Variants in MRTFA observed in about 807,000 individuals in gnomAD.
MRTFA encodes myocardin-related transcription factor A.
A neutral mutation model predicts 83.5 loss-of-function variants in MRTFA; 20 were observed. That is an observed-to-expected ratio of 0.24 (90% CI 0.17 to 0.35). The LOEUF is 0.35. MRTFA is among the 10% of genes least tolerant of loss of function. The pLI is 1.00. For synonymous variants in MRTFA, 659 were observed against 541.2 expected, an observed-to-expected ratio of 1.22 and a Z score of -3.02; for missense variants, 1,200 against 1,224.7, an observed-to-expected ratio of 0.98 and a Z score of 0.30.
Position 40,465,353 on chromosome 22 carries a change from C to A in MRTFA, c.242-2067G>T, listed in dbSNP as rs557239960. On this transcript the variant is annotated intron_variant, in intron 3 of 14. Transcript: ENST00000355630. ...TGAACTGGATCTCAAAAGGATGTTACAAACAGTCTGAGAAACTGAACCAAG... is the reference window on the plus strand; with the variant it reads ...TGAACTGGATCTCAAAAGGATGTTAAAAACAGTCTGAGAAACTGAACCAAG... 2.6e-5 allele frequency among the ~76,000 whole-genome samples: 4 copies of A among 152,190 alleles called. No individual in the cohort carries two copies. The East Asian group carries it at 5.8e-4, about 22-fold the overall frequency.
intron 3 of MRTFA, among the ~76,000 whole-genome samples, chr22:40,502,262 G>C (rs1179987863): frequency 8.6e-5 from 12 of 139,454 alleles, no homozygotes; most frequent in African/African-American, 3.0e-4. Flanking sequence ...TCACTTCTCA[G>C]ACGGGGCGGC....
At chr22:40,587,686 G>A (rs912020811) in intron 2 of MRTFA, 1 of 325,442 alleles carries the variant, frequency 3.1e-6, no homozygotes, top group Non-Finnish European at 6.1e-6. Flanking sequence ...GCCAGGTTTT[G>A]GTTGGTGCAA....
chr22:40,548,884 A>G (rs2055406445), intron 3 of MRTFA, among the ~76,000 whole-genome samples: 1 of 150,960 alleles, frequency 6.6e-6, no homozygotes, highest in South Asian at 2.1e-4. Context: ...TATACCACTT[A>G]CATCTACAAA....
At chr22:40,462,160 C>A (rs1253994314) in intron 4 of MRTFA, among the ~76,000 whole-genome samples, 2 of 152,216 alleles carry the variant, frequency 1.3e-5, no homozygotes, top group Non-Finnish European at 2.9e-5. Flanking sequence ...AGTTAATTTA[C>A]TTGATAGTAC....
chr22:40,411,712 G>A lies in MRTFA; in HGVS notation c.2774C>T (p.Pro925Leu), dbSNP rs1331489799. 13 of 1,579,928 alleles carry A rather than the reference G, an allele frequency of 8.2e-6. No individual in the cohort carries two copies. The highest frequency in any genetic ancestry group is 4.0e-5 in the African/African-American group (3 of 74,528). The change falls in exon 15 of 15, where the codon CCC (proline) becomes CTC (leucine). Residue 925 changes from proline to leucine, a missense_variant. Around this residue, in one of 2 missense-constraint regions of MRTFA, gnomAD observed 1,107 missense variants for 1,041.8 expected, o/e 1.06. Transcript: ENST00000355630. ...CCCGTCATGCCCACTGGTCAGCAGG[G>A]GCAGCCCCGTGCTGCTCTCCAGGAA...
At chr22:40,475,501 C>A (rs527624578) in intron 3 of MRTFA, among the ~76,000 whole-genome samples, 37 of 152,026 alleles carry the variant, frequency 2.4e-4, no homozygotes, top group Middle Eastern at 6.8e-3. Flanking sequence ...TGTGCCCCTG[C>A]ACTCCAGCCT....
intron 2 of MRTFA, among the ~76,000 whole-genome samples, chr22:40,580,813 A>G (rs1207578091): frequency 1.3e-5 from 2 of 152,070 alleles, no homozygotes; most frequent in Admixed American, 1.3e-4. Flanking sequence ...GGGTCTCACT[A>G]TGCTGTCCAG....
chr22:40,540,335 T>C (rs1330588927), intron 3 of MRTFA, among the ~76,000 whole-genome samples: 1 of 152,206 alleles, frequency 6.6e-6, no homozygotes, highest in Non-Finnish European at 1.5e-5. Context: ...GTTATTTCTC[T>C]TTGAAAATTC....
At chr22:40,584,059 G>A (rs1450816035) in intron 2 of MRTFA, among the ~76,000 whole-genome samples, 1 of 151,188 alleles carries the variant, frequency 6.6e-6, no homozygotes, top group Non-Finnish European at 1.5e-5. Context: ...GAGTGTGACA[G>A]ATTAAAATTT....
chr22:40,535,347 TC>T (rs1341806159), intron 3 of MRTFA, among the ~76,000 whole-genome samples: 13 of 99,838 alleles, frequency 1.3e-4, no homozygotes, highest in South Asian at 2.7e-4. Context: ...AGAGGTTTTT[TC>T]TTTTTTTTTT....
chr22:40,413,689 T>C (rs1031416455), intron 14 of MRTFA, among the ~76,000 whole-genome samples: 4 of 152,178 alleles, frequency 2.6e-5, no homozygotes, highest in Admixed American at 6.5e-5. Context: ...GTGATTTGCC[T>C]GCCTCAGCCT....
chr22:40,533,083 T>C (rs1292980689), intron 3 of MRTFA, among the ~76,000 whole-genome samples: 1 of 152,106 alleles, frequency 6.6e-6, no homozygotes. Context: ...AACTTACCCA[T>C]CTCCAAAATT....
At chr22:40,479,391 C>T (rs1310074006) in intron 3 of MRTFA, among the ~76,000 whole-genome samples, 1 of 152,108 alleles carries the variant, frequency 6.6e-6, no homozygotes, top group Non-Finnish European at 1.5e-5. Flanking sequence ...TCACACCCAA[C>T]TATAAAATCT....
chr22:40,453,891 CTTGT>C (rs1266574321), intron 4 of MRTFA, among the ~76,000 whole-genome samples: 2 of 152,098 alleles, frequency 1.3e-5, no homozygotes, highest in Non-Finnish European at 2.9e-5. Flanking sequence ...AACACAGCCA[CTTGT>C]TTGTTTGCTT....
chr22:40,580,873 A>G (rs113529492), intron 2 of MRTFA, among the ~76,000 whole-genome samples: 41 of 152,194 alleles, frequency 2.7e-4, no homozygotes, highest in African/African-American at 9.4e-4. Context: ...TCATCCTTTC[A>G]TCTCAGCCTC....
At chr22:40,462,761 G>T (rs2053738625) in intron 4 of MRTFA, among the ~76,000 whole-genome samples, 1 of 152,138 alleles carries the variant, frequency 6.6e-6, no homozygotes, top group Non-Finnish European at 1.5e-5. Context: ...AGTATCTCAG[G>T]ATCTCACTCT....
chr22:40,519,498 C>T, intron 3 of MRTFA: 1 of 1,346,712 alleles, frequency 7.4e-7, no homozygotes, highest in Non-Finnish European at 9.9e-7. Flanking sequence ...TTGCTTACTT[C>T]CTTCAGGAGT....
At chr22:40,467,330 T>C (rs2053827233) in intron 3 of MRTFA, among the ~76,000 whole-genome samples, 1 of 152,224 alleles carries the variant, frequency 6.6e-6, no homozygotes, top group Admixed American at 6.5e-5. Flanking sequence ...TCATTTTGTT[T>C]TATAATTTAT....
At chr22:40,432,968 T>C (rs1479030223) in intron 5 of MRTFA, among the ~76,000 whole-genome samples, 2 of 152,160 alleles carry the variant, frequency 1.3e-5, no homozygotes, top group East Asian at 3.9e-4. Context: ...AGGTAGAATA[T>C]AGTACTGATT....
Sources: allele counts gnomAD v4.1 joint callset (sites outside exome capture counted in the v4.1 genomes callset), GRCh38; gene constraint gnomAD v4.1.1; regional missense constraint gnomAD v4.1.1; transcripts MANE v1.5; gene names NCBI Gene and HGNC (gene_info 2026-07-23, HGNC 2026-07-21).